The following NPAS3 variants were observed in gnomAD, a reference collection of about 807,000 sequenced individuals.
NPAS3 encodes neuronal PAS domain-containing protein 3.
Under a neutral mutation model 73.1 loss-of-function variants are expected in NPAS3, and 14 were observed. The ratio of observed to expected loss-of-function variants is 0.19; its 90% CI spans 0.13 to 0.30. The LOEUF is 0.30. Among genes scored for constraint, NPAS3 ranks in the 10% least tolerant of loss-of-function variants. The pLI is 1.00. For synonymous variants in NPAS3, 620 were observed against 541.5 expected (o/e 1.14, Z -2.01); for missense variants, 1,096 against 1,250.0 (o/e 0.88, Z 1.86).
In NPAS3 at chr14:33,498,379, A is replaced by G. The variant is rs139908572; in HGVS notation, c.469-61742A>G. ...AGGCTTATAAATCATTCTGCTATAAAGACACATGCACACATATGTTTACTG... is the reference window on the plus strand; with the variant it reads ...AGGCTTATAAATCATTCTGCTATAAGGACACATGCACACATATGTTTACTG... On this transcript the variant is annotated intron_variant, in intron 4 of 11. Transcript: ENST00000356141. 9.4e-3 allele frequency among the ~76,000 whole-genome samples: 1,426 copies of G among 152,344 alleles called. 20 individuals are homozygous for G. The highest frequency in any genetic ancestry group is 0.032 in the African/African-American group (1,331 of 41,588).
At chr14:33,686,914 A>G (rs906358386) in intron 6 of NPAS3, among the ~76,000 whole-genome samples, 2 of 152,206 alleles carry the variant, frequency 1.3e-5, no homozygotes, top group African/African-American at 4.8e-5. Flanking sequence ...TGGCTCATTT[A>G]TTTTTATAAA....
intron 4 of NPAS3, among the ~76,000 whole-genome samples, chr14:33,375,684 T>C (rs2046283696): frequency 6.6e-6 from 1 of 152,314 alleles, no homozygotes; most frequent in Middle Eastern, 3.4e-3. Flanking sequence ...ACCTCTCCTA[T>C]GTCCTCACCT....
intron 1 of NPAS3, among the ~76,000 whole-genome samples, chr14:33,019,925 C>A (rs8005316): frequency 0.42 from 64,387 of 151,980 alleles, 14,202 homozygotes; most frequent in Middle Eastern, 0.57. Context: ...ATAGAAACTT[C>A]TTTTGCTTTG....
At chr14:33,189,200 T>A (rs1164824589) in intron 2 of NPAS3, among the ~76,000 whole-genome samples, 1 of 152,196 alleles carries the variant, frequency 6.6e-6, no homozygotes, top group African/African-American at 2.4e-5. Flanking sequence ...CAGTTTCATG[T>A]CTTTGGCAGC....
chr14:33,426,637 G>A (rs1340675100), intron 4 of NPAS3, among the ~76,000 whole-genome samples: 1 of 151,932 alleles, frequency 6.6e-6, no homozygotes, highest in East Asian at 1.9e-4. Flanking sequence ...ATGAACCAAG[G>A]AGTTAGTGCT....
At chr14:33,240,037 T>C (rs1180585588) in intron 3 of NPAS3, among the ~76,000 whole-genome samples, 1 of 151,882 alleles carries the variant, frequency 6.6e-6, no homozygotes, top group Non-Finnish European at 1.5e-5. Context: ...CTAAATAGCC[T>C]ATTCCACTTT....
chr14:33,220,065 C>A (rs1376779821), intron 3 of NPAS3, among the ~76,000 whole-genome samples: 1 of 152,148 alleles, frequency 6.6e-6, no homozygotes, highest in Non-Finnish European at 1.5e-5. Context: ...CCATGGACAC[C>A]CAGCCGATGA....
At chr14:33,272,531 C>A (rs867812029) in intron 3 of NPAS3, among the ~76,000 whole-genome samples, 1 of 152,128 alleles carries the variant, frequency 6.6e-6, no homozygotes, top group Non-Finnish European at 1.5e-5. Flanking sequence ...ATTCTCTTCC[C>A]TCAGCCTCCC....
At chr14:33,267,271 T>C (rs2040861450) in intron 3 of NPAS3, among the ~76,000 whole-genome samples, 1 of 152,238 alleles carries the variant, frequency 6.6e-6, no homozygotes, top group African/African-American at 2.4e-5. Context: ...ACTTTCTATA[T>C]ATTTTATGGT....
chr14:33,287,384 A>C (rs1010856076), intron 3 of NPAS3, among the ~76,000 whole-genome samples: 2 of 152,284 alleles, frequency 1.3e-5, no homozygotes, highest in African/African-American at 4.8e-5. Flanking sequence ...TCCCACAGTC[A>C]GAGGAGGTGA....
intron 3 of NPAS3, among the ~76,000 whole-genome samples, chr14:33,296,088 A>G (rs1399490838): frequency 6.6e-6 from 1 of 152,234 alleles, no homozygotes; most frequent in African/African-American, 2.4e-5. Flanking sequence ...CTGAAACAAA[A>G]CAGAAAAAAA....
At chr14:32,993,812 C>A (rs2038441165) in intron 1 of NPAS3, among the ~76,000 whole-genome samples, 2 of 151,980 alleles carry the variant, frequency 1.3e-5, no homozygotes, top group African/African-American at 2.4e-5. Flanking sequence ...ATATTGTTAC[C>A]TTTTAAAAGA....
chr14:33,324,432 T>C (rs1194310241), intron 3 of NPAS3, among the ~76,000 whole-genome samples: 2 of 152,206 alleles, frequency 1.3e-5, no homozygotes, highest in East Asian at 3.8e-4. Context: ...TCAGCACTAG[T>C]ATTGTACAAA....
chr14:33,504,989 TTA>T (rs925133439), intron 4 of NPAS3, among the ~76,000 whole-genome samples: 4 of 151,990 alleles, frequency 2.6e-5, no homozygotes, highest in African/African-American at 7.2e-5. Flanking sequence ...GGCCAATAAT[TTA>T]TGTCTCTCTC....
chr14:33,049,803 C>G (rs1390146542), intron 1 of NPAS3, among the ~76,000 whole-genome samples: 1 of 152,184 alleles, frequency 6.6e-6, no homozygotes. Flanking sequence ...AACAGATGGA[C>G]AAATGCTGGG....
intron 3 of NPAS3, among the ~76,000 whole-genome samples, chr14:33,306,538 A>C (rs1243425008): frequency 3.9e-5 from 6 of 152,244 alleles, no homozygotes; most frequent in Non-Finnish European, 5.9e-5. Context: ...TTGGCTTAGC[A>C]GGAAGATGAA....
chr14:33,372,238 A>G (rs11156787), intron 4 of NPAS3, among the ~76,000 whole-genome samples: 78,307 of 151,864 alleles, frequency 0.52, 20,280 homozygotes, highest in Admixed American at 0.56. Flanking sequence ...ACTGAAGTGC[A>G]TACTACGTGT....
chr14:33,051,041 G>A (rs2040684029), intron 1 of NPAS3, among the ~76,000 whole-genome samples: 1 of 152,026 alleles, frequency 6.6e-6, no homozygotes, highest in Admixed American at 6.5e-5. Flanking sequence ...TTGGGAGGCC[G>A]AGGCGGGTGG....
intron 5 of NPAS3, among the ~76,000 whole-genome samples, chr14:33,668,726 G>A (rs775524498): frequency 1.8e-4 from 27 of 152,300 alleles, no homozygotes; most frequent in African/African-American, 4.6e-4. Flanking sequence ...GGCTGAGACC[G>A]GAGGATCGCT....
Sources: allele counts gnomAD v4.1 joint callset (sites outside exome capture counted in the v4.1 genomes callset), GRCh38; gene constraint gnomAD v4.1.1; transcripts MANE v1.5; gene names NCBI Gene and HGNC (gene_info 2026-07-23, HGNC 2026-07-21).